Variants in MLXIP observed in about 807,000 individuals in gnomAD.
The protein encoded by MLXIP is MLX-interacting protein.
Under a neutral mutation model 87.2 loss-of-function variants are expected in MLXIP, and 30 were observed. That is an observed-to-expected ratio of 0.34 (90% confidence interval 0.26 to 0.47). MLXIP has a LOEUF of 0.47. Among genes scored for constraint, MLXIP ranks in the 20% least tolerant of loss-of-function variants. MLXIP has a pLI of 1.00. For missense variants in MLXIP, 1,002 were observed against 1,240.1 expected, an observed-to-expected ratio of 0.81 and a Z score of 2.88; for synonymous variants, 530 against 514.0, an observed-to-expected ratio of 1.03 and a Z score of -0.42.
chr12:122,097,673 G>A (rs905584974), intron 1 of MLXIP, among the ~76,000 whole-genome samples: 11 of 151,270 alleles, frequency 7.3e-5, no homozygotes, highest in East Asian at 1.9e-4. Context: ...TGTGAAGGCC[G>A]GTGTCCCCAC....
intron 1 of MLXIP, among the ~76,000 whole-genome samples, chr12:122,103,161 G>A (rs1461787917): frequency 2.0e-5 from 3 of 151,902 alleles, no homozygotes; most frequent in African/African-American, 4.8e-5. Context: ...ACGCCACCAT[G>A]CCTGGCTAAT....
intron 7 of MLXIP, 45 bp downstream of exon 7, chr12:122,130,978 C>G (rs527766628): frequency 2.4e-6 from 3 of 1,246,542 alleles, no homozygotes; most frequent in Non-Finnish European, 3.6e-6. Context: ...CCATCTCCCC[C>G]AGCCCAGCAC....
chr12:122,086,969 C>T (rs189548654), intron 1 of MLXIP, among the ~76,000 whole-genome samples: 2 of 152,318 alleles, frequency 1.3e-5, no homozygotes, highest in South Asian at 2.1e-4. Context: ...TGGTACAAAG[C>T]TCTGCCCCTG....
intron 1 of MLXIP, among the ~76,000 whole-genome samples, chr12:122,125,833 T>C (rs1335196154): frequency 6.6e-6 from 1 of 152,202 alleles, no homozygotes; most frequent in Non-Finnish European, 1.5e-5. Flanking sequence ...AAGCCTGGGC[T>C]CCTTGGGGGT....
chr12:122,122,737 G>A (rs762273411), intron 1 of MLXIP, among the ~76,000 whole-genome samples: 3 of 151,812 alleles, frequency 2.0e-5, no homozygotes, highest in Non-Finnish European at 2.9e-5. Flanking sequence ...TAGTAGAGAC[G>A]GGGGTTTCAC....
chr12:122,139,226 C>G (rs1410617796), intron 15 of MLXIP, among the ~76,000 whole-genome samples: 1 of 152,192 alleles, frequency 6.6e-6, no homozygotes, highest in Non-Finnish European at 1.5e-5. Context: ...GCTAGAGCCA[C>G]TTGCAGAAGG....
intron 1 of MLXIP, among the ~76,000 whole-genome samples, chr12:122,090,080 T>C (rs149972909): frequency 0.03 from 4,632 of 152,310 alleles, 217 homozygotes; most frequent in African/African-American, 0.11. Flanking sequence ...TCTTCTTCCA[T>C]GGCTTTCTTT....
intron 9 of MLXIP, chr12:122,134,982 T>C (rs1593114516): frequency 8.7e-6 from 1 of 115,516 alleles, no homozygotes; most frequent in Non-Finnish European, 1.7e-5. Flanking sequence ...CCTCTCTATC[T>C]TTTTTTTAAA....
chr12:122,127,412 T>G, intron 2 of MLXIP, 50 bp downstream of exon 2: 1 of 1,371,252 alleles, frequency 7.3e-7, no homozygotes, highest in Non-Finnish European at 1.0e-6. Context: ...CTTCACGGCC[T>G]GGAGGCCTGG....
intron 1 of MLXIP, among the ~76,000 whole-genome samples, chr12:122,083,929 TCTC>T (rs1952127960): frequency 2.0e-5 from 3 of 152,214 alleles, no homozygotes; most frequent in Admixed American, 6.5e-5. Context: ...CAGTGTTTCT[TCTC>T]CTGCGTTCTT....
intron 1 of MLXIP, among the ~76,000 whole-genome samples, chr12:122,086,613 T>G (rs982448649): frequency 2.0e-5 from 3 of 152,032 alleles, no homozygotes; most frequent in Non-Finnish European, 4.4e-5. Context: ...GGTGATTACT[T>G]TCTGTATTTT....
chr12:122,097,847 C>CCG (rs1199049120), intron 1 of MLXIP, among the ~76,000 whole-genome samples: 1 of 45,890 alleles, frequency 2.2e-5, no homozygotes, highest in African/African-American at 1.0e-4. Context: ...TCCATGGGTT[C>CCG]CCCCTCCCCA....
At chr12:122,140,831 C>T in intron 15 of MLXIP, 123 bp from the exon 16 acceptor site, 1 of 1,444,358 alleles carries the variant, frequency 6.9e-7, no homozygotes, top group Non-Finnish European at 9.7e-7. Context: ...CCCCAGTGAT[C>T]CATTCTCTGT....
At chr12:122,131,526 T>G (rs1031616354) in intron 7 of MLXIP, among the ~76,000 whole-genome samples, 1 of 143,182 alleles carries the variant, frequency 7.0e-6, no homozygotes, top group Non-Finnish European at 1.5e-5. Context: ...CATGGTTCAC[T>G]GCAGCCCTGA....
chr12:122,142,573 C>T lies in MLXIP; in HGVS notation c.*761C>T. 1 of 328,692 alleles carries T rather than the reference C, an allele frequency of 3.0e-6. No homozygotes were observed. Among genetic ancestry groups the T allele is most frequent in the South Asian group, 2.5e-5 (1 of 39,670 alleles). The allele number at this position is 328,692 out of a possible 1,614,324, so 20.4% of individuals were successfully genotyped here. A position where few individuals can be genotyped will look rare whatever the true frequency, so the allele number is the denominator to read the frequency against. Reference sequence around the variant, plus strand: ...TTGCAGGATCCATGGGGACTCAGCCCAGGGCCTTCTCGGATGTCACCTCAC... The same window carrying T: ...TTGCAGGATCCATGGGGACTCAGCCTAGGGCCTTCTCGGATGTCACCTCAC... On this transcript the variant is annotated 3_prime_UTR_variant, in exon 17 of 17. Coordinates refer to ENST00000319080, the MANE Select transcript of MLXIP (RefSeq NM_014938.6).
chr12:122,118,721 G>A (rs1311099764), intron 1 of MLXIP, among the ~76,000 whole-genome samples: 4 of 151,824 alleles, frequency 2.6e-5, no homozygotes, highest in South Asian at 2.1e-4. Context: ...GGTGGTACAC[G>A]CCTGTTATCC....
rs761959130 is a variant in MLXIP, at chr12:122,142,072, G to A, written c.*260G>A. On this transcript the variant is annotated 3_prime_UTR_variant, in exon 17 of 17. Transcript: ENST00000319080. Reference sequence around the variant, plus strand: ...TCAGTCACCAACCTCCTCTGCCCTCGGGGCAGCCCACACAAAAGGGAAGTG... The same window carrying A: ...TCAGTCACCAACCTCCTCTGCCCTCAGGGCAGCCCACACAAAAGGGAAGTG... The A allele has an allele frequency of 2.8e-5, 19 of 680,710 alleles. No individual in the cohort carries two copies. The highest frequency in any genetic ancestry group is 3.5e-4 in the Middle Eastern group (1 of 2,820). 42.2% of individuals were successfully genotyped at this position (680,710 alleles called of 1,614,324 possible).
In MLXIP at chr12:122,135,791, C is replaced by T. The variant is rs1953080473; in HGVS notation, c.2032+125C>T. 1.8e-6 allele frequency: 2 copies of T among 1,139,026 alleles called. No homozygotes were observed. Among genetic ancestry groups the T allele is most frequent in the South Asian group, 1.7e-5 (1 of 58,994 alleles). 70.6% of individuals were successfully genotyped at this position (1,139,026 alleles called of 1,614,324 possible). A position where few individuals can be genotyped will look rare whatever the true frequency, so the allele number is the denominator to read the frequency against. On this transcript the variant is annotated intron_variant, in intron 11 of 16. Transcript: ENST00000319080. This position sits in a 1 kb window ranked among gnomAD's most constrained non-coding sequence, Gnocchi z 5.3. ...CTGGGCTTAGGACACACAGTGAGGT[C>T]TTGTAGGCCTGCTGATAACACAGTC...
At chr12:122,140,765 CAG>C (rs750963709) in intron 15 of MLXIP, 187 bp from the exon 16 acceptor site, 30 of 851,202 alleles carry the variant, frequency 3.5e-5, no homozygotes, top group Non-Finnish European at 4.8e-5. Flanking sequence ...ACAGTTAGAG[CAG>C]AGTGTTTTCA....
Sources: gnomAD v4.1 joint callset for allele counts (sites outside exome capture counted in the v4.1 genomes callset) on GRCh38, gnomAD v4.1.1 for gene constraint, Gnocchi (gnomAD v3.1) non-coding constraint, MANE v1.5 for transcripts, NCBI Gene and HGNC (gene_info 2026-07-23, HGNC 2026-07-21) for gene names.